CADPS2: variants seen among roughly 807,000 people sequenced by gnomAD.
The protein encoded by CADPS2 is calcium-dependent secretion activator 2.
In CADPS2, 93 loss-of-function variants were observed where a neutral mutation model predicts 172.5. The ratio of observed to expected loss-of-function variants is 0.54; its 90% confidence interval spans 0.46 to 0.64. The LOEUF is 0.64. Ranked by LOEUF, CADPS2 falls within the 30% of genes least tolerant of loss-of-function variation. CADPS2 has a pLI of 0.00. For synonymous variants in CADPS2, 546 were observed against 555.2 expected (o/e 0.98, Z 0.23); for missense variants, 1,420 against 1,565.9 (o/e 0.91, Z 1.57).
chr7:122,842,797 G>A (rs1229881099), intron 1 of CADPS2, among the ~76,000 whole-genome samples: 1 of 152,094 alleles, frequency 6.6e-6, no homozygotes, highest in African/African-American at 2.4e-5. Context: ...GTAAAGGAGG[G>A]AGGAAGAAGA....
intron 28 of CADPS2, among the ~76,000 whole-genome samples, chr7:122,332,349 G>A (rs1426631013): frequency 2.7e-5 from 4 of 150,396 alleles, no homozygotes; most frequent in Non-Finnish European, 5.9e-5. Flanking sequence ...GACGATCCTT[G>A]GTTCTTCCAT....
In CADPS2 at chr7:122,705,381, T is replaced by C. The variant is rs958913156; in HGVS notation, c.453+31574A>G. Among the ~76,000 whole-genome samples the C allele has an allele frequency of 2.2e-4, 32 of 146,430 alleles. 1 individual carries two copies. The highest frequency in any genetic ancestry group is 7.5e-4 in the African/African-American group (30 of 39,768). On this transcript the variant is annotated intron_variant, in intron 2 of 29. Transcript: ENST00000449022. ...GAAGAGTTTTTCATTCTGTTGAATT[T>C]TGCAGGTAGGTTACAGAGAATTGAA...
chr7:122,450,075 T>C (rs1447434363), intron 15 of CADPS2, among the ~76,000 whole-genome samples: 1 of 152,042 alleles, frequency 6.6e-6, no homozygotes, highest in Non-Finnish European at 1.5e-5. Context: ...AAAAGAATAA[T>C]AATGAGGCAA....
chr7:122,411,647 A>G (rs959492688), intron 19 of CADPS2, among the ~76,000 whole-genome samples: 8 of 152,206 alleles, frequency 5.3e-5, no homozygotes, highest in African/African-American at 1.9e-4. Context: ...TTATTCCCCA[A>G]GACAAGATTA....
At chr7:122,704,508 T>G (rs2086676852) in intron 2 of CADPS2, among the ~76,000 whole-genome samples, 1 of 152,014 alleles carries the variant, frequency 6.6e-6, no homozygotes, top group African/African-American at 2.4e-5. Flanking sequence ...GATTACAAAA[T>G]AATATAACTC....
intron 1 of CADPS2, among the ~76,000 whole-genome samples, chr7:122,805,802 T>C (rs568052448): frequency 6.6e-6 from 1 of 152,150 alleles, no homozygotes; most frequent in South Asian, 2.1e-4. Flanking sequence ...GAGACTTCTC[T>C]CCCAAAAGGA....
At chr7:122,851,472 T>C (rs921412590) in intron 1 of CADPS2, among the ~76,000 whole-genome samples, 2 of 152,202 alleles carry the variant, frequency 1.3e-5, no homozygotes, top group African/African-American at 2.4e-5. Context: ...GAGGGGTGCA[T>C]TCTTCCTTGT....
chr7:122,609,225 G>A (rs1357676027), intron 6 of CADPS2, among the ~76,000 whole-genome samples: 1 of 152,040 alleles, frequency 6.6e-6, no homozygotes, highest in Non-Finnish European at 1.5e-5. Flanking sequence ...TACATATAAG[G>A]AAATTTAGGA....
chr7:122,528,217 G>A (rs999456199), intron 8 of CADPS2, among the ~76,000 whole-genome samples: 3 of 151,798 alleles, frequency 2.0e-5, no homozygotes, highest in Non-Finnish European at 4.4e-5. Context: ...TGGGGTGTGA[G>A]GATGGTAATA....
At chr7:122,556,907 G>C (rs1587250029) in intron 7 of CADPS2, among the ~76,000 whole-genome samples, 2 of 151,922 alleles carry the variant, frequency 1.3e-5, no homozygotes, top group East Asian at 3.9e-4. Context: ...TCTTTCCCTA[G>C]AGTATGCAAT....
At chr7:122,599,306 C>T (rs7780324) in intron 6 of CADPS2, among the ~76,000 whole-genome samples, 90,867 of 151,754 alleles carry the variant, frequency 0.6, 27,518 homozygotes, top group African/African-American at 0.7. Context: ...TAAGTGGAAG[C>T]CAAACCAGAG....
At chr7:122,657,563 T>A (rs576392341) in intron 3 of CADPS2, among the ~76,000 whole-genome samples, 1 of 152,320 alleles carries the variant, frequency 6.6e-6, no homozygotes, top group South Asian at 2.1e-4. Context: ...TTTGTTCTCT[T>A]TGAAGCAATT....
intron 1 of CADPS2, among the ~76,000 whole-genome samples, chr7:122,790,616 T>C (rs867491067): frequency 1.3e-5 from 2 of 152,306 alleles, no homozygotes; most frequent in Middle Eastern, 3.4e-3. Flanking sequence ...CCAGCTCTTA[T>C]GAATAAAACA....
At chr7:122,555,178 A>G (rs2064876554) in intron 7 of CADPS2, among the ~76,000 whole-genome samples, 1 of 152,146 alleles carries the variant, frequency 6.6e-6, no homozygotes, top group Admixed American at 6.6e-5. Flanking sequence ...GAGATGGAAA[A>G]CAGCACATTT....
At position 122,543,364 on chromosome 7, in the gene CADPS2, T is replaced by C. The variant is rs140442291; in HGVS notation, c.1475+11186A>G. 4.3e-4 allele frequency among the ~76,000 whole-genome samples: 66 copies of C among 152,292 alleles called. 1 individual carries two copies. In the East Asian group the frequency reaches 0.012, roughly 29 times the overall value. On this transcript the variant is annotated intron_variant, in intron 8 of 29. Coordinates refer to ENST00000449022, the MANE Select transcript of CADPS2 (RefSeq NM_017954.11). ...GGCAAGTAATTAGCTCTACTGTATCTAATGCATTACTCTTGATGGTTTTTT... is the reference window on the plus strand; with the variant it reads ...GGCAAGTAATTAGCTCTACTGTATCCAATGCATTACTCTTGATGGTTTTTT...
intron 5 of CADPS2, among the ~76,000 whole-genome samples, chr7:122,621,110 T>C (rs561037745): frequency 6.6e-6 from 1 of 152,112 alleles, no homozygotes; most frequent in Admixed American, 6.6e-5. Flanking sequence ...CTATGTTGCC[T>C]AGGCTGGTCT....
chr7:122,779,623 A>C (rs1230306391), intron 1 of CADPS2, among the ~76,000 whole-genome samples: 1 of 152,198 alleles, frequency 6.6e-6, no homozygotes, highest in Non-Finnish European at 1.5e-5. Context: ...TATAGAACTG[A>C]GTATAGACTT....
intron 28 of CADPS2, among the ~76,000 whole-genome samples, chr7:122,341,750 C>A (rs563991063): frequency 6.6e-6 from 1 of 152,050 alleles, no homozygotes. Context: ...ATGGGATTGA[C>A]GGGATCTAGC....
At chr7:122,757,659 C>T (rs562379686) in intron 1 of CADPS2, among the ~76,000 whole-genome samples, 1 of 150,348 alleles carries the variant, frequency 6.7e-6, no homozygotes, top group East Asian at 1.9e-4. Flanking sequence ...TCTAGTAACA[C>T]TTACGTTTGG....
Sources: gnomAD v4.1 joint callset for allele counts (sites outside exome capture counted in the v4.1 genomes callset) on GRCh38, gnomAD v4.1.1 for gene constraint, MANE v1.5 for transcripts, NCBI Gene and HGNC (gene_info 2026-07-23, HGNC 2026-07-21) for gene names.